Variants in PRDM10 observed in about 807,000 individuals in gnomAD.
The protein encoded by PRDM10 is PR domain zinc finger protein 10.
In PRDM10, 65 loss-of-function variants were observed where a neutral mutation model predicts 133.1. The ratio of observed to expected loss-of-function variants is 0.49; its 90% CI spans 0.40 to 0.60. The LOEUF (loss-of-function observed/expected upper bound fraction) is 0.60, where lower values mean the gene tolerates loss of function less well. Ranked by LOEUF, PRDM10 falls within the 20% of genes least tolerant of loss-of-function variation. The pLI is 0.00. For missense variants in PRDM10, 1,137 were observed against 1,507.1 expected, an observed-to-expected ratio of 0.75 and a Z score of 4.07; for synonymous variants, 582 against 580.4, an observed-to-expected ratio of 1.00 and a Z score of -0.04.
chr11:129,931,284 G>T, intron 10 of PRDM10, 26 bp from the exon 11 acceptor site: 4 of 1,610,624 alleles, frequency 2.5e-6, no homozygotes, highest in Non-Finnish European at 3.4e-6. Context: ...ACCAGGAATA[G>T]AGATCAGTGC....
rs774765434 is a variant in PRDM10, at chr11:129,923,437, C to T, written c.1879-34G>A. The T allele has an allele frequency of 3.5e-5, 55 of 1,580,612 alleles. No homozygotes were observed. Among genetic ancestry groups the T allele is most frequent in the Non-Finnish European group, 4.2e-5 (49 of 1,162,434 alleles). ...AAGAACCACAGGAAAATTCAGGGGA[C>T]GCAGGCACCAAATGAAATGACCAAA... On this transcript the variant is annotated intron_variant, in intron 12 of 20. Transcript: ENST00000360871. The surrounding 1 kb of genome is among the most constrained non-coding windows in gnomAD (Gnocchi z 4.4).
At chr11:129,926,436 C>T (rs1950681206) in intron 11 of PRDM10, among the ~76,000 whole-genome samples, 1 of 152,122 alleles carries the variant, frequency 6.6e-6, no homozygotes, top group Non-Finnish European at 1.5e-5. Context: ...ATGGCTGTGC[C>T]TATGTAGCTA....
Position 129,916,069 on chromosome 11 carries a change from G to T in PRDM10, c.2326-209C>A, listed in dbSNP as rs772117863. Among the ~76,000 whole-genome samples the T allele has an allele frequency of 1.2e-4, 18 of 152,154 alleles. 1 individual carries two copies. Among genetic ancestry groups the T allele is most frequent in the Non-Finnish European group, 1.9e-4 (13 of 68,030 alleles). ...TAAGAACATAATGTAGATATGATAG[G>T]TTTCTTTCTTTAATCTATAAATCTA... On this transcript the variant is annotated intron_variant, in intron 15 of 20. Coordinates refer to ENST00000360871, the MANE Select transcript of PRDM10 (RefSeq NM_199437.2).
At chr11:129,988,844 T>A (rs983285416) in intron 1 of PRDM10, among the ~76,000 whole-genome samples, 5 of 151,868 alleles carry the variant, frequency 3.3e-5, no homozygotes, top group Non-Finnish European at 2.9e-5. Context: ...TTAGCCAGGA[T>A]GGTCTCGATC....
Position 129,957,595 on chromosome 11 carries a change from G to A in PRDM10, c.234+151C>T, listed in dbSNP as rs991358116. 16 of 908,304 alleles carry A rather than the reference G, an allele frequency of 1.8e-5. No individual in the cohort carries two copies. In the African/African-American group the frequency reaches 2.7e-4, roughly 15 times the overall value. 56.3% of individuals were successfully genotyped at this position (908,304 alleles called of 1,614,324 possible). ...GCCTCCCAAAGTGCTGGGATTACAG[G>A]CATGAGCCACCGCGCCTGGCTGAGA... On this transcript the variant is annotated intron_variant, in intron 3 of 20. Coordinates refer to ENST00000360871, the MANE Select transcript of PRDM10 (RefSeq NM_199437.2).
chr11:129,964,410 A>AATGCCCT (rs1234077626), intron 1 of PRDM10, among the ~76,000 whole-genome samples: 1 of 152,256 alleles, frequency 6.6e-6, no homozygotes, highest in African/African-American at 2.4e-5. Flanking sequence ...CCCTACCTGG[A>AATGCCCT]ATGCCCTAGC....
chr11:129,983,356 G>A lies in PRDM10; in HGVS notation c.-119+19366C>T, dbSNP rs188982220. Among the ~76,000 whole-genome samples the A allele has an allele frequency of 5.6e-3, 814 of 145,702 alleles. 7 individuals are homozygous for A. Among genetic ancestry groups the A allele is most frequent in the African/African-American group, 0.019 (749 of 39,346 alleles). On this transcript the variant is annotated intron_variant, in intron 1 of 20. Transcript: ENST00000360871. Reference sequence around the variant, plus strand: ...GTCACCCAGGCTGGAGTGCAGTGGCGCGATCTCAGCTCACTGCAAGCTCTG... The same window carrying A: ...GTCACCCAGGCTGGAGTGCAGTGGCACGATCTCAGCTCACTGCAAGCTCTG...
rs1482720756 is a variant in PRDM10, at chr11:129,923,641, C to CCTGAGAGAGAGAGAGAGAGAGAGAGAGA, written c.1879-239_1879-238insTCTCTCTCTCTCTCTCTCTCTCTCTCAG. Among the ~76,000 whole-genome samples the CCTGAGAGAGAGAGAGAGAGAGAGAGAGA allele has an allele frequency of 2.3e-5, 1 of 44,256 alleles. No homozygotes were observed. The highest frequency in any genetic ancestry group is 1.2e-4 in the African/African-American group (1 of 8,106). 29.0% of individuals were successfully genotyped at this position (44,256 alleles called of 152,430 possible). On this transcript the variant is annotated intron_variant, in intron 12 of 20. Transcript: ENST00000360871. This position sits in a 1 kb window ranked among gnomAD's most constrained non-coding sequence, Gnocchi z 4.4. Reference sequence around the variant, plus strand: ...TCCGAACCTCCCCGATGACTTGAAACGTGAGAGAGAGAGAGAGAGAGAGAG... The same window carrying CCTGAGAGAGAGAGAGAGAGAGAGAGAGA: ...TCCGAACCTCCCCGATGACTTGAAACCTGAGAGAGAGAGAGAGAGAGAGAGAGAGTGAGAGAGAGAGAGAGAGAGAGAG...
rs563967362 is a variant in PRDM10 at position 129,983,549 on chromosome 11, C to T, written c.-119+19173G>A. On this transcript the variant is annotated intron_variant, in intron 1 of 20. Coordinates refer to ENST00000360871, the MANE Select transcript of PRDM10 (RefSeq NM_199437.2). ...TCCTGACCTTGTGATCTGCCGGTCT[C>T]GGCCTCCCAAAGTGCTGGGATTACA... is the stretch of plus-strand genomic sequence containing the variant. Among the ~76,000 whole-genome samples, 9 of 152,324 alleles carry T rather than the reference C, an allele frequency of 5.9e-5. No individual in the cohort carries two copies. The South Asian group carries it at 8.3e-4, about 14-fold the overall frequency.
At position 129,947,603 on chromosome 11, in the gene PRDM10, G is replaced by A; in HGVS notation, c.295-233C>T. On this transcript the variant is annotated intron_variant, in intron 4 of 20. Coordinates refer to ENST00000360871, the MANE Select transcript of PRDM10 (RefSeq NM_199437.2). The surrounding 1 kb of genome is among the most constrained non-coding windows in gnomAD (Gnocchi z 4.6). Reference sequence around the variant, plus strand: ...CCTCTGCCCTCCCTCTGCCCCTTCTGTCCCACACCTGGGAGGGCTGCTAAG... The same window carrying A: ...CCTCTGCCCTCCCTCTGCCCCTTCTATCCCACACCTGGGAGGGCTGCTAAG... 1.5e-6 allele frequency: 2 copies of A among 1,374,828 alleles called. No homozygotes were observed. The highest frequency in any genetic ancestry group is 5.1e-5 in the East Asian group (2 of 38,876). 85.2% of individuals were successfully genotyped at this position (1,374,828 alleles called of 1,614,324 possible). A position where few individuals can be genotyped will look rare whatever the true frequency, so the allele number is the denominator to read the frequency against.
In PRDM10 at chr11:129,902,079, C is replaced by G. The variant is rs374110675; in HGVS notation, c.*234G>C. ...AGGCAAATTCTCTCCACCTCGAAAT[C>G]TACTTTCCCCTGAAAGATCTCTGTT... is the stretch of plus-strand genomic sequence containing the variant. On this transcript the variant is annotated 3_prime_UTR_variant, in exon 21 of 21. Coordinates refer to ENST00000360871, the MANE Select transcript of PRDM10 (RefSeq NM_199437.2). The G allele has an allele frequency of 9.6e-6, 5 of 519,400 alleles. No individual in the cohort carries two copies. The South Asian group carries it at 1.6e-4, about 16-fold the overall frequency. The allele number at this position is 519,400 out of a possible 1,614,324, so 32.2% of individuals were successfully genotyped here.
At chr11:129,920,008 C>T (rs1327522755) in intron 13 of PRDM10, among the ~76,000 whole-genome samples, 1 of 152,166 alleles carries the variant, frequency 6.6e-6, no homozygotes, top group African/African-American at 2.4e-5. Flanking sequence ...GGACACTGCC[C>T]TACGTGACAG....
intron 15 of PRDM10, among the ~76,000 whole-genome samples, chr11:129,916,840 A>G (rs950530117): frequency 1.3e-5 from 2 of 152,216 alleles, no homozygotes; most frequent in African/African-American, 4.8e-5. Context: ...GGAATTTGAA[A>G]TTAATTCATA....
chr11:129,965,493 C>T (rs1353264974), intron 1 of PRDM10, among the ~76,000 whole-genome samples: 1 of 152,148 alleles, frequency 6.6e-6, no homozygotes, highest in Non-Finnish European at 1.5e-5. Flanking sequence ...TCTCACCCCT[C>T]ATCTTCTTGC....
At chr11:129,904,428 C>T (rs1014417920) in intron 20 of PRDM10, among the ~76,000 whole-genome samples, 6 of 152,160 alleles carry the variant, frequency 3.9e-5, no homozygotes, top group Admixed American at 2.0e-4. Context: ...TTTTCAAGTA[C>T]ACAATACATT....
intron 1 of PRDM10, among the ~76,000 whole-genome samples, chr11:130,002,087 G>A (rs1296566173): frequency 6.6e-6 from 1 of 150,610 alleles, no homozygotes; most frequent in Non-Finnish European, 1.5e-5. Flanking sequence ...TCCGCCCCAC[G>A]CGCCCGCAAC....
chr11:129,917,178 A>G lies in PRDM10; in HGVS notation c.2274T>C (p.Thr758=). Reference sequence around the variant, plus strand: ...CACGATTGGGTTTTATGATGGGTAGAGTTAACTCTGGCACCTCTTCTATCT... The same window carrying G: ...CACGATTGGGTTTTATGATGGGTAGGGTTAACTCTGGCACCTCTTCTATCT... ...DMKIEEVPEL[T]LPIIKPNRDY... Residue 758 remains threonine (T), a synonymous_variant, in exon 15 of 21, where the codon ACT becomes ACC. Transcript: ENST00000360871. 6.2e-7 allele frequency: 1 copy of G among 1,613,904 alleles called. No homozygotes were observed. Among genetic ancestry groups the G allele is most frequent in the Non-Finnish European group, 8.5e-7 (1 of 1,179,788 alleles).
intron 11 of PRDM10, among the ~76,000 whole-genome samples, chr11:129,928,803 C>T (rs963006739): frequency 2.0e-5 from 3 of 152,194 alleles, no homozygotes; most frequent in African/African-American, 7.2e-5. Flanking sequence ...CATCCTTCCA[C>T]TGCACCCCTG....
intron 1 of PRDM10, among the ~76,000 whole-genome samples, chr11:129,964,933 T>G (rs1454571355): frequency 1.3e-5 from 2 of 152,220 alleles, no homozygotes; most frequent in Admixed American, 6.5e-5. Context: ...AGTAGGTGAT[T>G]AAATATATCA....
Sources: allele counts gnomAD v4.1 joint callset (sites outside exome capture counted in the v4.1 genomes callset), GRCh38; gene constraint gnomAD v4.1.1; non-coding constraint Gnocchi (gnomAD v3.1); transcripts MANE v1.5; gene names NCBI Gene and HGNC (gene_info 2026-07-23, HGNC 2026-07-21).